Variants in MAMLD1 observed in about 807,000 individuals in gnomAD.
MAMLD1 encodes mastermind like domain containing 1, also known as mastermind-like domain-containing protein 1.
A neutral mutation model predicts 45.0 loss-of-function variants in MAMLD1; 14 were observed. That is an observed-to-expected ratio of 0.31 (90% CI 0.21 to 0.49). The LOEUF is 0.49. Among genes scored for constraint, MAMLD1 ranks in the 20% least tolerant of loss-of-function variants. The pLI, the probability that MAMLD1 is intolerant of heterozygous loss-of-function variation, is 0.99. For synonymous variants in MAMLD1, 254 were observed against 247.8 expected, an observed-to-expected ratio of 1.02 and a Z score of -0.24; for missense variants, 543 against 603.6, an observed-to-expected ratio of 0.90 and a Z score of 1.05.
chrX:150,482,014 AAG>A (rs1169273019), intron 5 of MAMLD1, among the ~76,000 whole-genome samples: 2 of 108,962 alleles, frequency 1.8e-5, no homozygotes, highest in African/African-American at 6.8e-5. Flanking sequence ...GAAAGAAAGA[AAG>A]AAAGAAAGAA....
At chrX:150,430,912 A>C (rs2034917387) in intron 1 of MAMLD1, among the ~76,000 whole-genome samples, 2 of 111,986 alleles carry the variant, frequency 1.8e-5, no homozygotes, top group African/African-American at 6.5e-5. Flanking sequence ...TCTTTTTCAC[A>C]ATTGTTTCAG....
intron 1 of MAMLD1, among the ~76,000 whole-genome samples, chrX:150,432,700 A>G (rs1199303955): frequency 9.0e-6 from 1 of 111,475 alleles, no homozygotes; most frequent in Non-Finnish European, 1.9e-5. Flanking sequence ...CTTGTTGTCA[A>G]CTTTGTTGAA....
intron 1 of MAMLD1, among the ~76,000 whole-genome samples, chrX:150,401,970 A>G (rs2033789640): frequency 8.9e-6 from 1 of 111,820 alleles, no homozygotes; most frequent in Non-Finnish European, 1.9e-5. Flanking sequence ...TAAAAACCCT[A>G]GAAGAAAACC....
In MAMLD1 at chrX:150,485,241, C is replaced by T. The variant is rs782649114; in HGVS notation, c.2040+11439C>T. Reference sequence around the variant, plus strand: ...CCCCCAGAGAAGAGGTTCCTGAAGGCTAAGCATTGCTCTGTAACCCTGAAC... The same window carrying T: ...CCCCCAGAGAAGAGGTTCCTGAAGGTTAAGCATTGCTCTGTAACCCTGAAC... On this transcript the variant is annotated intron_variant, in intron 5 of 7. Coordinates refer to ENST00000370401, the MANE Select transcript of MAMLD1 (RefSeq NM_005491.5). 3.6e-5 allele frequency among the ~76,000 whole-genome samples: 4 copies of T among 111,438 alleles called. No homozygotes were observed. In the South Asian group the frequency reaches 1.2e-3, roughly 33 times the overall value.
chrX:150,464,364 C>T (rs1377430777), intron 3 of MAMLD1, among the ~76,000 whole-genome samples: 1 of 112,046 alleles, frequency 8.9e-6, no homozygotes, highest in African/African-American at 3.3e-5. Flanking sequence ...AGCCAATCAG[C>T]ATTAGCATTC....
At chrX:150,367,086 T>C (rs909874131) in intron 1 of MAMLD1, among the ~76,000 whole-genome samples, 4 of 101,280 alleles carry the variant, frequency 3.9e-5, no homozygotes, top group Non-Finnish European at 8.0e-5. Flanking sequence ...GGGGAAGAGT[T>C]TGGCGTTGGA....
In MAMLD1 at chrX:150,481,980, G is replaced by GAA. The variant is rs782610933; in HGVS notation, c.2040+8180_2040+8181dup. On this transcript the variant is annotated intron_variant, in intron 5 of 7. Transcript: ENST00000370401. ...AAGAAAGAAAAAAGAAAGAAAGAAA[G>GAA]AAAGAAAGAAAGAAAGAAAGAAAGA... 2.0e-4 allele frequency among the ~76,000 whole-genome samples: 17 copies of GAA among 86,248 alleles called. No individual in the cohort carries two copies. In the South Asian group the frequency reaches 2.3e-3, roughly 12 times the overall value. The allele number at this position is 86,248 out of a possible 115,157, so 74.9% of individuals were successfully genotyped here.
rs782567999 is a variant in MAMLD1, at chrX:150,382,025, T to G, written c.-64+18495T>G. Among the ~76,000 whole-genome samples, 261 of 111,475 alleles carry G rather than the reference T, an allele frequency of 2.3e-3. 3 individuals are homozygous for G. Among genetic ancestry groups the G allele is most frequent in the African/African-American group, 8.2e-3 (253 of 30,687 alleles). On this transcript the variant is annotated intron_variant, in intron 1 of 7. Coordinates refer to ENST00000370401, the MANE Select transcript of MAMLD1 (RefSeq NM_005491.5). The stretch of plus-strand genomic sequence containing the variant: ...AGGTTCTTTCACAAAAAGACTATTT[T>G]GGGGGTCAGATTTTTGTGGTTGAGT...
chrX:150,499,438 G>T (rs2037488010), intron 5 of MAMLD1, among the ~76,000 whole-genome samples: 1 of 111,874 alleles, frequency 8.9e-6, no homozygotes, highest in Non-Finnish European at 1.9e-5. Flanking sequence ...TCCACTTCTT[G>T]CAAAGCAGCT....
chrX:150,512,636 C>A lies in MAMLD1; in HGVS notation c.*677C>A. 8.7e-7 allele frequency: 1 copy of A among 1,149,563 alleles called. No individual in the cohort carries two copies. The highest frequency in any genetic ancestry group is 1.2e-6 in the Non-Finnish European group (1 of 869,077). 94.7% of individuals were successfully genotyped at this position (1,149,563 alleles called of 1,213,427 possible). ...GGGCAGCCAGAGCCTCAGGCAGAGC[C>A]CGGTACAGGGCCCGGTGCCTGTAGC... On this transcript the variant is annotated 3_prime_UTR_variant, in exon 8 of 8. Coordinates refer to ENST00000370401, the MANE Select transcript of MAMLD1 (RefSeq NM_005491.5).
chrX:150,501,660 C>T (rs189287159), intron 5 of MAMLD1, among the ~76,000 whole-genome samples: 1 of 112,654 alleles, frequency 8.9e-6, no homozygotes, highest in East Asian at 2.8e-4. Context: ...TGAGTCATCT[C>T]TAAAACTGTT....
chrX:150,365,463 T>C, intron 1 of MAMLD1, among the ~76,000 whole-genome samples: 1 of 112,880 alleles, frequency 8.9e-6, no homozygotes, highest in Non-Finnish European at 1.9e-5. Context: ...CTGCAAGCGC[T>C]CCGCGGGGTG....
chrX:150,505,463 T>C lies in MAMLD1; in HGVS notation c.2284+1946T>C, dbSNP rs189017841. Among the ~76,000 whole-genome samples the C allele has an allele frequency of 8.9e-5, 10 of 112,287 alleles. No homozygotes were observed. The Admixed American group carries it at 9.3e-4, about 10-fold the overall frequency. ...CAGAGCCTGGCCCATAGTAGACCCA[T>C]GACCATGTTTGTTAACTGAGTGACA... On this transcript the variant is annotated intron_variant, in intron 6 of 7. Coordinates refer to ENST00000370401, the MANE Select transcript of MAMLD1 (RefSeq NM_005491.5).
At chrX:150,490,365 T>TTC (rs1235121403) in intron 5 of MAMLD1, among the ~76,000 whole-genome samples, 1 of 112,497 alleles carries the variant, frequency 8.9e-6, no homozygotes, top group Non-Finnish European at 1.9e-5. Flanking sequence ...ATTGTTGTTT[T>TTC]TCCCCCTTTC....
intron 1 of MAMLD1, among the ~76,000 whole-genome samples, chrX:150,398,354 A>AAGAAGAAGG (rs2033602913): frequency 9.3e-6 from 1 of 108,093 alleles, no homozygotes; most frequent in Non-Finnish European, 1.9e-5. Flanking sequence ...GAAGAGGAAG[A>AAGAAGAAGG]GGAAGAGGAA....
At chrX:150,447,552 G>A (rs181831594) in intron 2 of MAMLD1, among the ~76,000 whole-genome samples, 359 of 111,736 alleles carry the variant, frequency 3.2e-3, no homozygotes, top group African/African-American at 0.011. Flanking sequence ...GGTACCCAGT[G>A]CTAATATGAA....
intron 1 of MAMLD1, among the ~76,000 whole-genome samples, chrX:150,392,866 T>C (rs1332272209): frequency 9.1e-6 from 1 of 110,426 alleles, no homozygotes; most frequent in Non-Finnish European, 1.9e-5. Context: ...TCTTGCCCCT[T>C]CATGTGCATA....
At chrX:150,433,133 T>C (rs1400638415) in intron 1 of MAMLD1, among the ~76,000 whole-genome samples, 1 of 111,609 alleles carries the variant, frequency 9.0e-6, no homozygotes, top group Non-Finnish European at 1.9e-5. Context: ...TTCACCTCCT[T>C]GGTTAGCCAT....
chrX:150,469,697 C>A, intron 3 of MAMLD1, 48 bp from the exon 4 acceptor site: 1 of 928,162 alleles, frequency 1.1e-6, no homozygotes, highest in Non-Finnish European at 1.5e-6. Flanking sequence ...CACCTCTCTT[C>A]CCTTCTCCTC....
Sources: gnomAD v4.1 joint callset for allele counts (sites outside exome capture counted in the v4.1 genomes callset) on GRCh38, gnomAD v4.1.1 for gene constraint, MANE v1.5 for transcripts, NCBI Gene and HGNC (gene_info 2026-07-23, HGNC 2026-07-21) for gene names.